Variants in RFC4 observed in about 807,000 individuals in gnomAD.
RFC4 encodes the protein replication factor C subunit 4, also known as A1 37 kDa subunit.
In RFC4, 38 loss-of-function variants were observed where a neutral mutation model predicts 47.6. That is an observed-to-expected ratio of 0.80 (90% CI 0.62 to 1.05). The LOEUF is 1.05. Ranked by LOEUF, RFC4 falls within the 50% of genes least tolerant of loss-of-function variation. RFC4 has a pLI of 0.00. For missense variants in RFC4, 489 were observed against 434.0 expected, an observed-to-expected ratio of 1.13 and a Z score of -1.13; for synonymous variants, 164 against 150.0, an observed-to-expected ratio of 1.09 and a Z score of -0.68.
intron 4 of RFC4, among the ~76,000 whole-genome samples, chr3:186,795,335 T>C (rs1203549543): frequency 6.6e-6 from 1 of 152,248 alleles, no homozygotes; most frequent in East Asian, 1.9e-4. Flanking sequence ...GCATTTATAA[T>C]AAGTATCTTG....
chr3:186,801,731 A>AG (rs1722360234), intron 2 of RFC4, among the ~76,000 whole-genome samples: 1 of 138,130 alleles, frequency 7.2e-6, no homozygotes, highest in Non-Finnish European at 1.6e-5. Context: ...AAAAAAAAAA[A>AG]GAAATTAAAG....
At position 186,790,271 on chromosome 3, in the gene RFC4, CTT is replaced by C. The variant is rs772860104; in HGVS notation, c.883-18_883-17del. The stretch of plus-strand genomic sequence containing the variant: ...CTATTAAATCCTATAATAAAAAAAA[CTT>C]TTGGTATGATGACTTAATATTCCTT... On this transcript the variant is annotated splice_polypyrimidine_tract_variant and intron_variant, in intron 9 of 10. Transcript: ENST00000296273. The C allele has an allele frequency of 1.8e-5, 29 of 1,610,598 alleles. No homozygotes were observed. The highest frequency in any genetic ancestry group is 9.4e-5 in the African/African-American group (7 of 74,738).
At chr3:186,798,737 A>G (rs752846048) in intron 3 of RFC4, among the ~76,000 whole-genome samples, 6 of 152,078 alleles carry the variant, frequency 3.9e-5, no homozygotes, top group Non-Finnish European at 7.4e-5. Flanking sequence ...AATGCATTAC[A>G]AATCAGAAAC....
chr3:186,796,402 T>C lies in RFC4; in HGVS notation c.290+1133A>G, dbSNP rs1482624198. Among the ~76,000 whole-genome samples, 1 of 152,190 alleles carries C rather than the reference T, an allele frequency of 6.6e-6. No individual in the cohort carries two copies. Among genetic ancestry groups the C allele is most frequent in the Non-Finnish European group, 1.5e-5 (1 of 68,032 alleles). ...TAAAAAATTGCTGTCAAATAAAATA[T>C]TAGGCACATAGCAGCTTCTCCCTTT... is the stretch of plus-strand genomic sequence containing the variant. On this transcript the variant is annotated intron_variant, in intron 4 of 10. Transcript: ENST00000296273. This position sits in a 1 kb window ranked among gnomAD's most constrained non-coding sequence, Gnocchi z 4.2.
rs1265744100 is a variant in RFC4, at chr3:186,804,482, A to G, written c.131+101T>C. On this transcript the variant is annotated intron_variant, in intron 2 of 10. Coordinates refer to ENST00000296273, the MANE Select transcript of RFC4 (RefSeq NM_002916.5). ...TTTTTCAAAGACAACTTCTAAACAG[A>G]ACAAAGCATTCCTCCATAAGTTAAA... 3.3e-6 allele frequency: 4 copies of G among 1,218,240 alleles called. No individual in the cohort carries two copies. The Admixed American group carries it at 8.8e-5, about 27-fold the overall frequency. The allele number at this position is 1,218,240 out of a possible 1,614,324, so 75.5% of individuals were successfully genotyped here.
At chr3:186,805,129 G>A (rs1313135574) in intron 1 of RFC4, among the ~76,000 whole-genome samples, 1 of 152,238 alleles carries the variant, frequency 6.6e-6, no homozygotes, top group Admixed American at 6.5e-5. Flanking sequence ...CTCAGACCCT[G>A]AAATGGACTC....
In RFC4 at chr3:186,793,092, C is replaced by A. The variant is rs1372255663; in HGVS notation, c.411-145G>T. 11 of 690,428 alleles carry A rather than the reference C, an allele frequency of 1.6e-5. No individual in the cohort carries two copies. In the East Asian group the frequency reaches 3.2e-4, roughly 20 times the overall value. 42.8% of individuals were successfully genotyped at this position (690,428 alleles called of 1,614,324 possible). The stretch of plus-strand genomic sequence containing the variant: ...CTGTATGTTCACAAAGTTGTGCAAC[C>A]ATTACCACAATCTAATTTTAGAACA... On this transcript the variant is annotated intron_variant, in intron 5 of 10. Coordinates refer to ENST00000296273, the MANE Select transcript of RFC4 (RefSeq NM_002916.5). This position sits in a 1 kb window ranked among gnomAD's most constrained non-coding sequence, Gnocchi z 4.2.
intron 8 of RFC4, 112 bp downstream of exon 8, chr3:186,791,612 TC>T (rs1479032499): frequency 4.4e-6 from 4 of 900,270 alleles, no homozygotes; most frequent in South Asian, 1.3e-5. Context: ...CCCTTATACT[TC>T]CTAGTGCAGT....
At chr3:186,792,677 A>G (rs894320801) in intron 6 of RFC4, 67 bp from the exon 7 acceptor site, 7 of 1,573,820 alleles carry the variant, frequency 4.4e-6, no homozygotes, top group Non-Finnish European at 6.0e-6. Flanking sequence ...ACTCATTTTT[A>G]TCAAGAACAA....
At position 186,792,280 on chromosome 3, in the gene RFC4, G is replaced by A. The variant is rs139179865; in HGVS notation, c.675+210C>T. Among the ~76,000 whole-genome samples the A allele has an allele frequency of 2.1e-3, 322 of 152,266 alleles. 2 individuals carry two copies. The highest frequency in any genetic ancestry group is 7.4e-3 in the African/African-American group (307 of 41,556). On this transcript the variant is annotated intron_variant, in intron 7 of 10. Transcript: ENST00000296273. ...AAATCCACCTCAGTTTCGGGTCTCT[G>A]ATATATTAAAAGATAATTAACTCAA...
chr3:186,794,577 G>T, intron 5 of RFC4, 81 bp downstream of exon 5: 1 of 1,390,018 alleles, frequency 7.2e-7, no homozygotes, highest in Non-Finnish European at 1.0e-6. Context: ...CTTGATCTTA[G>T]CCAAAAGGCT....
intron 3 of RFC4, among the ~76,000 whole-genome samples, chr3:186,798,556 C>T (rs1401328982): frequency 3.9e-5 from 6 of 151,950 alleles, no homozygotes; most frequent in South Asian, 2.1e-4. Flanking sequence ...ACCAAAAAAC[C>T]CTCAGCTTTT....
intron 7 of RFC4, 29 bp downstream of exon 7, chr3:186,792,461 C>A (rs990786570): frequency 6.3e-7 from 1 of 1,588,056 alleles, no homozygotes; most frequent in South Asian, 1.1e-5. Context: ...GAATTAGTAA[C>A]TCTAATAATT....
chr3:186,791,944 T>TA (rs1722150497), intron 7 of RFC4, 94 bp from the exon 8 acceptor site: 1 of 1,136,112 alleles, frequency 8.8e-7, no homozygotes, highest in Admixed American at 2.3e-5. Context: ...AAAACCCTGT[T>TA]TTAGTCTAGA....
intron 2 of RFC4, 132 bp downstream of exon 2, chr3:186,804,451 T>G: frequency 1.2e-6 from 1 of 835,708 alleles, no homozygotes; most frequent in Non-Finnish European, 1.8e-6. Context: ...TATAAGTGGG[T>G]GATTTTTTTT....
chr3:186,790,121 A>G (rs956778668), intron 10 of RFC4, 21 bp downstream of exon 10: 5 of 1,603,720 alleles, frequency 3.1e-6, no homozygotes, highest in East Asian at 2.2e-5. Context: ...TTCCATTGAC[A>G]TGTGCAAAGT....
chr3:186,797,432 C>G (rs1722264784), intron 4 of RFC4, 103 bp downstream of exon 4: 1 of 765,274 alleles, frequency 1.3e-6, no homozygotes, highest in South Asian at 1.7e-5. Flanking sequence ...AGAAAACTAT[C>G]CTACAGAAAA....
chr3:186,795,565 CG>C (rs1461417920), intron 4 of RFC4, among the ~76,000 whole-genome samples: 1 of 152,038 alleles, frequency 6.6e-6, no homozygotes, highest in Non-Finnish European at 1.5e-5. Context: ...GAGGCCGAGG[CG>C]GGTGGATCAC....
At chr3:186,806,031 T>G (rs1462282777) in intron 1 of RFC4, among the ~76,000 whole-genome samples, 2 of 152,218 alleles carry the variant, frequency 1.3e-5, no homozygotes, top group Non-Finnish European at 2.9e-5. Flanking sequence ...AAAATAAATT[T>G]TTAATATCTG....
Sources: allele counts gnomAD v4.1 joint callset (sites outside exome capture counted in the v4.1 genomes callset), GRCh38; gene constraint gnomAD v4.1.1; non-coding constraint Gnocchi (gnomAD v3.1); transcripts MANE v1.5; gene names NCBI Gene and HGNC (gene_info 2026-07-23, HGNC 2026-07-21).